GPHN: variants seen among roughly 807,000 people sequenced by gnomAD.
GPHN encodes gephyrin.
Under a neutral mutation model 95.5 loss-of-function variants are expected in GPHN, and 17 were observed. The ratio of observed to expected loss-of-function variants is 0.18; its 90% CI spans 0.12 to 0.27. GPHN has a LOEUF of 0.27. GPHN is among the 10% of genes least tolerant of loss of function. The pLI is 1.00. For synonymous variants in GPHN, 320 were observed against 322.5 expected, an observed-to-expected ratio of 0.99 and a Z score of 0.08; for missense variants, 660 against 978.1, an observed-to-expected ratio of 0.67 and a Z score of 4.34.
At chr14:67,296,437 A>G in the GPHN span, among the ~76,000 whole-genome samples, 13 of 152,024 alleles carry the variant, frequency 8.6e-5, no homozygotes, top group East Asian at 1.9e-3. Context: ...TGTCTCTACT[A>G]AAAATACAAA....
At chr14:66,723,227 A>G (rs868802327) in intron 2 of GPHN, among the ~76,000 whole-genome samples, 72 of 152,102 alleles carry the variant, frequency 4.7e-4, no homozygotes, top group African/African-American at 1.7e-3. Flanking sequence ...ATCTACTTGT[A>G]AAGACGAGTT....
the GPHN span, among the ~76,000 whole-genome samples, chr14:67,327,920 G>A: frequency 6.6e-6 from 1 of 152,224 alleles, no homozygotes; most frequent in Non-Finnish European, 1.5e-5. Flanking sequence ...CTTTGCTATC[G>A]TAAATAGTGC....
At chr14:66,849,379 A>T (rs1335071460) in intron 4 of GPHN, among the ~76,000 whole-genome samples, 1 of 152,024 alleles carries the variant, frequency 6.6e-6, no homozygotes, top group Non-Finnish European at 1.5e-5. Context: ...GTATACTTCT[A>T]ATGATCACTT....
At chr14:67,267,122 A>G in the GPHN span, among the ~76,000 whole-genome samples, 1 of 152,108 alleles carries the variant, frequency 6.6e-6, no homozygotes, top group Admixed American at 6.5e-5. Context: ...AAACAAATAA[A>G]TAAATAAATA....
In GPHN at chr14:67,144,286, T is replaced by TATATACACATATATATATATATATATAC. The variant is rs1421893686; in HGVS notation, c.1836+838_1836+839insTATACACATATATATATATATATATACA. On this transcript the variant is annotated intron_variant, in intron 18 of 22. Transcript: ENST00000478722. ...ATATATATATATATATATATATATA[T>TATATACACATATATATATATATATATAC]ACACACACACATACACAAATATTTT... is the stretch of plus-strand genomic sequence containing the variant. Among the ~76,000 whole-genome samples, 3 of 78,124 alleles carry TATATACACATATATATATATATATATAC rather than the reference T, an allele frequency of 3.8e-5. No individual in the cohort carries two copies. The South Asian group carries it at 1.4e-3, about 35-fold the overall frequency. 51.3% of individuals were successfully genotyped at this position (78,124 alleles called of 152,430 possible).
At chr14:67,150,856 G>A (rs1043575416) in intron 18 of GPHN, among the ~76,000 whole-genome samples, 7 of 152,012 alleles carry the variant, frequency 4.6e-5, no homozygotes, top group African/African-American at 1.7e-4. Flanking sequence ...ATCATACCTG[G>A]CTTTTGGGTT....
chr14:67,338,748 T>C, the GPHN span: 1 of 1,612,648 alleles, frequency 6.2e-7, no homozygotes, highest in Non-Finnish European at 8.5e-7. Flanking sequence ...TTTCTTCTCT[T>C]GTATTTTCTT....
chr14:66,842,305 G>A (rs1281327986), intron 4 of GPHN, among the ~76,000 whole-genome samples: 3 of 152,156 alleles, frequency 2.0e-5, no homozygotes, highest in East Asian at 3.9e-4. Context: ...CTAGTAATCT[G>A]TCCCCTCTGC....
At chr14:67,080,511 C>CTGT (rs1456591958) in intron 11 of GPHN, among the ~76,000 whole-genome samples, 1 of 151,992 alleles carries the variant, frequency 6.6e-6, no homozygotes, top group African/African-American at 2.4e-5. Flanking sequence ...GAACTACTTC[C>CTGT]TGTTTTCTTC....
rs71129810 is a variant in GPHN, at chr14:67,144,250, AATATATATAT to A, written c.1836+829_1836+838del. Among the ~76,000 whole-genome samples, 344 of 57,776 alleles carry A rather than the reference AATATATATAT, an allele frequency of 6.0e-3. 3 individuals carry two copies. Among genetic ancestry groups the A allele is most frequent in the Non-Finnish European group, 7.8e-3 (272 of 34,800 alleles). 37.9% of individuals were successfully genotyped at this position (57,776 alleles called of 152,430 possible). ...AGACCCTGTCTTAAAAAAAAAAAAA[AATATATATAT>A]ATATATATATATATATATATATATA... On this transcript the variant is annotated intron_variant, in intron 18 of 22. Coordinates refer to ENST00000478722, the MANE Select transcript of GPHN (RefSeq NM_020806.5).
chr14:67,003,719 G>A (rs888663979), intron 9 of GPHN, among the ~76,000 whole-genome samples: 10 of 151,660 alleles, frequency 6.6e-5, no homozygotes, highest in Non-Finnish European at 1.5e-4. Context: ...ACTTTATATA[G>A]TGTGATATTA....
the GPHN span, chr14:67,473,587 T>G: frequency 6.2e-7 from 1 of 1,610,388 alleles, no homozygotes; most frequent in Non-Finnish European, 8.5e-7. The surrounding 1 kb of genome is among the most constrained non-coding windows in gnomAD (Gnocchi z 6.5). Flanking sequence ...ATGAGGCCCA[T>G]GAAGTCAAAG....
intron 1 of GPHN, among the ~76,000 whole-genome samples, chr14:66,544,598 T>A (rs959862311): frequency 1.3e-5 from 2 of 151,836 alleles, no homozygotes; most frequent in African/African-American, 2.4e-5. Context: ...TTTTAATTTA[T>A]TTATTTTTTA....
chr14:66,914,123 A>G (rs1370885541), intron 5 of GPHN, among the ~76,000 whole-genome samples: 1 of 152,170 alleles, frequency 6.6e-6, no homozygotes, highest in African/African-American at 2.4e-5. Flanking sequence ...ATTATATCAC[A>G]TATGCATACA....
At chr14:67,709,205 A>T in the GPHN span, among the ~76,000 whole-genome samples, 1 of 152,238 alleles carries the variant, frequency 6.6e-6, no homozygotes. Flanking sequence ...AAATAGAATT[A>T]ATAGGTCATT....
At chr14:67,334,222 T>C in the GPHN span, 1 of 152,638 alleles carries the variant, frequency 6.6e-6, no homozygotes, top group Admixed American at 6.5e-5. Flanking sequence ...ATGCAACAGC[T>C]TGGTAAATCA....
At chr14:66,934,872 G>A (rs2067023881) in intron 8 of GPHN, among the ~76,000 whole-genome samples, 1 of 152,148 alleles carries the variant, frequency 6.6e-6, no homozygotes, top group South Asian at 2.1e-4. Flanking sequence ...TAACTAAAAA[G>A]TATCTTAACT....
intron 4 of GPHN, among the ~76,000 whole-genome samples, chr14:66,873,778 A>C (rs1262038453): frequency 6.6e-6 from 1 of 151,682 alleles, no homozygotes; most frequent in African/African-American, 2.4e-5. Flanking sequence ...TATAGATAAA[A>C]CTCCCATCTC....
intron 9 of GPHN, among the ~76,000 whole-genome samples, chr14:67,011,834 T>TTATATA (rs375784376): frequency 6.8e-6 from 1 of 147,984 alleles, no homozygotes; most frequent in Non-Finnish European, 1.5e-5. Context: ...TACACAGATT[T>TTATATA]TATATATATA....
Sources: allele counts gnomAD v4.1 joint callset (sites outside exome capture counted in the v4.1 genomes callset), GRCh38; gene constraint gnomAD v4.1.1; non-coding constraint Gnocchi (gnomAD v3.1); transcripts MANE v1.5; gene names NCBI Gene and HGNC (gene_info 2026-07-23, HGNC 2026-07-21).